The following KANSL2 variants were observed in gnomAD, a reference collection of about 807,000 sequenced individuals.
KANSL2 encodes NSL complex protein NSL2.
A neutral mutation model predicts 55.6 loss-of-function variants in KANSL2; 34 were observed. That is an observed-to-expected ratio of 0.61 (90% confidence interval 0.46 to 0.81). KANSL2 has a LOEUF of 0.81. KANSL2 is among the 40% of genes least tolerant of loss of function. The probability of loss-of-function intolerance (pLI) is 0.00; values close to 1 mark genes in which losing one functional copy is unlikely to be tolerated. For synonymous variants in KANSL2, 209 were observed against 214.3 expected, an observed-to-expected ratio of 0.98 and a Z score of 0.22; for missense variants, 502 against 609.9, an observed-to-expected ratio of 0.82 and a Z score of 1.86.
chr12:48,679,743 T>C lies in KANSL2; in HGVS notation c.342A>G (p.Thr114=), dbSNP rs770455364. The change falls in exon 3 of 10, where the codon ACA becomes ACG. Residue 114 remains threonine, a synonymous_variant. Coordinates refer to ENST00000420613, the MANE Select transcript of KANSL2 (RefSeq NM_017822.4). Reference sequence around the variant, plus strand: ...CATATGAGCTCAGCTGGCACAGGAGTGTTTCACCCACAGGCCCTGGGTTGG... The same window carrying C: ...CATATGAGCTCAGCTGGCACAGGAGCGTTTCACCCACAGGCCCTGGGTTGG... ...KKTNPGPVGE[T]LLCQLSSYAK... is the part of the protein sequence containing the mutation. 5 of 1,611,430 alleles carry C rather than the reference T, an allele frequency of 3.1e-6. No individual in the cohort carries two copies. In the Admixed American group the frequency reaches 8.4e-5, roughly 27 times the overall value.
chr12:48,660,706 G>A, intron 7 of KANSL2, 87 bp from the exon 8 acceptor site: 1 of 1,359,498 alleles, frequency 7.4e-7, no homozygotes. Flanking sequence ...AAAACTCAAG[G>A]TGTGGACTAT....
intron 8 of KANSL2, among the ~76,000 whole-genome samples, chr12:48,657,964 C>T (rs1414768493): frequency 6.6e-6 from 1 of 152,152 alleles, no homozygotes; most frequent in Non-Finnish European, 1.5e-5. Context: ...GGCACGGTGG[C>T]TCACGCCTGT....
chr12:48,667,380 C>T lies in KANSL2; in HGVS notation c.973+313G>A, dbSNP rs1449601888. On this transcript the variant is annotated intron_variant, in intron 7 of 9. Transcript: ENST00000420613. The stretch of plus-strand genomic sequence containing the variant: ...TAAATCAGAAACCTTGAGACAATTA[C>T]AAATATTTTATGTATATTTTGGGAC... The T allele has an allele frequency of 1.4e-5, 5 of 347,878 alleles. No individual in the cohort carries two copies. In the East Asian group the frequency reaches 2.6e-4, roughly 18 times the overall value. The allele number at this position is 347,878 out of a possible 1,614,324, so 21.5% of individuals were successfully genotyped here.
chr12:48,657,996 C>T (rs751775017), intron 8 of KANSL2, among the ~76,000 whole-genome samples: 2 of 152,034 alleles, frequency 1.3e-5, no homozygotes, highest in Non-Finnish European at 2.9e-5. Context: ...TTTGGGAGGC[C>T]AAGGTGGGCG....
chr12:48,662,527 A>G (rs1939507170), intron 7 of KANSL2: 15 of 1,248,712 alleles, frequency 1.2e-5, no homozygotes, highest in Admixed American at 2.8e-5. Flanking sequence ...AGATGGGGCA[A>G]AAGAGGTAAA....
chr12:48,671,818 T>A lies in KANSL2; in HGVS notation c.690A>T (p.Lys230Asn). 6.2e-7 allele frequency: 1 copy of A among 1,611,974 alleles called. No homozygotes were observed. The highest frequency in any genetic ancestry group is 1.1e-5 in the South Asian group (1 of 90,732). ...EKKRRYLHNR[K>N]VEHEALGSSL... ...ACTTGCCTAGAGCTTCATGTTCCAC[T>A]TTGCGATTATGTAAGTATCGGCGCT... The change falls in exon 5 of 10, where the codon AAA (lysine) becomes AAT (asparagine). Residue 230 changes from lysine to asparagine, a missense_variant. Transcript: ENST00000420613.
Position 48,679,087 on chromosome 12 carries a change from T to G in KANSL2, c.494A>C (p.Asp165Ala). 1 of 1,613,866 alleles carries G rather than the reference T, an allele frequency of 6.2e-7. No individual in the cohort carries two copies. The highest frequency in any genetic ancestry group is 8.5e-7 in the Non-Finnish European group (1 of 1,179,858). The change falls in exon 4 of 10, where the codon GAC becomes GCC. Residue 165 changes from aspartate to alanine, a missense_variant. Physicochemically the swap from Asp to Ala is moderately radical, Grantham distance 126. Transcript: ENST00000420613. ...TATGCTATCAGCTTCACTGTCAGGG[T>G]CACCTCTCCATGTCTGATCCACAGT... is the stretch of plus-strand genomic sequence containing the variant. ...PITVDQTWRG[D>A]PDSEADSIDS...
chr12:48,672,613 T>TA (rs951672930), intron 4 of KANSL2, among the ~76,000 whole-genome samples: 3 of 151,310 alleles, frequency 2.0e-5, no homozygotes, highest in African/African-American at 7.3e-5. Context: ...GTATTTTTTG[T>TA]AGAGATGGGA....
intron 3 of KANSL2, 159 bp from the exon 4 acceptor site, chr12:48,679,309 A>T (rs1004614622): frequency 5.8e-6 from 4 of 688,866 alleles, no homozygotes; most frequent in Non-Finnish European, 1.0e-5. Context: ...AAAACGCTTT[A>T]AGAAAATACA....
At chr12:48,657,574 G>C (rs993381680) in intron 8 of KANSL2, among the ~76,000 whole-genome samples, 4 of 152,038 alleles carry the variant, frequency 2.6e-5, no homozygotes, top group Non-Finnish European at 4.4e-5. Context: ...CTATAAATCT[G>C]TTTTCTCCCA....
intron 4 of KANSL2, among the ~76,000 whole-genome samples, chr12:48,672,413 A>ACG (rs1565608383): frequency 2.7e-5 from 3 of 110,076 alleles, no homozygotes; most frequent in African/African-American, 1.1e-4. Context: ...ATATACGTAT[A>ACG]TATATATATA....
rs187138893 is a variant in KANSL2 at position 48,673,465 on chromosome 12, C to T, written c.546-1503G>A. ...ATCCCAGCTACTCGGGAGGCTGGGG[C>T]AGGAGAATTGCTTGAACCCGGGAGG... On this transcript the variant is annotated intron_variant, in intron 4 of 9. Transcript: ENST00000420613. Among the ~76,000 whole-genome samples, 647 of 151,494 alleles carry T rather than the reference C, an allele frequency of 4.3e-3. 4 individuals are homozygous for T. The highest frequency in any genetic ancestry group is 6.3e-3 in the Non-Finnish European group (431 of 67,928).
In KANSL2 at chr12:48,681,432, C is replaced by T. The variant is rs2137209015; in HGVS notation, c.201G>A (p.Lys67=). The T allele has an allele frequency of 6.2e-7, 1 of 1,613,790 alleles. No homozygotes were observed. Among genetic ancestry groups the T allele is most frequent in the Admixed American group, 1.7e-5 (1 of 59,978 alleles). The change falls in exon 2 of 10, where the codon AAG becomes AAA. Residue 67 remains lysine (K), a synonymous_variant. Transcript: ENST00000420613. ...CAGCATTGGGACATCTTTTTCCATTCTTCGTCGATATATAACTACACTGCT... is the reference window on the plus strand; with the variant it reads ...CAGCATTGGGACATCTTTTTCCATTTTTCGTCGATATATAACTACACTGCT... ...PFKQCSYIST[K]NGKRCPNAAP...
chr12:48,656,271 T>C (rs1209887634), intron 8 of KANSL2, among the ~76,000 whole-genome samples: 1 of 139,866 alleles, frequency 7.1e-6, no homozygotes, highest in Non-Finnish European at 1.6e-5. Flanking sequence ...TGGTTTTTTT[T>C]GTTTTGTTTT....
chr12:48,682,234 C>T lies in KANSL2; in HGVS notation c.-57G>A. The T allele has an allele frequency of 3.2e-6, 2 of 624,552 alleles. No homozygotes were observed. Among genetic ancestry groups the T allele is most frequent in the Non-Finnish European group, 5.7e-6 (2 of 349,022 alleles). The allele number at this position is 624,552 out of a possible 1,614,324, so 38.7% of individuals were successfully genotyped here. A position where few individuals can be genotyped will look rare whatever the true frequency, so the allele number is the denominator to read the frequency against. ...ACTCTGCCGCGCCGCTCGCCCTTCT[C>T]TAGTGGCGCCAGCGGCTCTCAGATC... On this transcript the variant is annotated 5_prime_UTR_variant, in exon 1 of 10. Coordinates refer to ENST00000420613, the MANE Select transcript of KANSL2 (RefSeq NM_017822.4).
intron 1 of KANSL2, chr12:48,681,947 G>A (rs1006613145): frequency 1.4e-6 from 1 of 702,934 alleles, no homozygotes; most frequent in Non-Finnish European, 2.6e-6. Flanking sequence ...CCGCCTCCCC[G>A]CACGCCGCCT....
At position 48,667,823 on chromosome 12, in the gene KANSL2, C is replaced by T. The variant is rs773375302; in HGVS notation, c.877-34G>A. 2.9e-6 allele frequency: 4 copies of T among 1,396,698 alleles called. No homozygotes were observed. In the Admixed American group the frequency reaches 6.8e-5, roughly 24 times the overall value. 86.5% of individuals were successfully genotyped at this position (1,396,698 alleles called of 1,614,324 possible). ...GAAAAAGACAGATAAAATAGACCCA[C>T]AAAAGAACACACAAACAATTACGAT... On this transcript the variant is annotated intron_variant, in intron 6 of 9. Coordinates refer to ENST00000420613, the MANE Select transcript of KANSL2 (RefSeq NM_017822.4).
intron 7 of KANSL2, chr12:48,661,162 A>G: frequency 1.3e-6 from 1 of 752,474 alleles, no homozygotes; most frequent in Non-Finnish European, 1.6e-6. Context: ...GTCACTAGGT[A>G]TCATATCCTA....
rs565214933 is a variant in KANSL2, at chr12:48,658,999, A to G, written c.1227+1367T>C. Among the ~76,000 whole-genome samples, 6 of 152,302 alleles carry G rather than the reference A, an allele frequency of 3.9e-5. No homozygotes were observed. The South Asian group carries it at 8.3e-4, about 21-fold the overall frequency. ...CGCAAGTAAAATCACCAAAGTTATC[A>G]TTAACAGTTATACGCCAGGAATGGT... is the stretch of plus-strand genomic sequence containing the variant. On this transcript the variant is annotated intron_variant, in intron 8 of 9. Coordinates refer to ENST00000420613, the MANE Select transcript of KANSL2 (RefSeq NM_017822.4).
Sources: gnomAD v4.1 joint callset for allele counts (sites outside exome capture counted in the v4.1 genomes callset) on GRCh38, gnomAD v4.1.1 for gene constraint, MANE v1.5 for transcripts, NCBI Gene and HGNC (gene_info 2026-07-23, HGNC 2026-07-21) for gene names.